SAP30BP: variants seen among roughly 807,000 people sequenced by gnomAD.
SAP30BP encodes SAP30-binding protein.
A neutral mutation model predicts 46.3 loss-of-function variants in SAP30BP; 31 were observed. That is an observed-to-expected ratio of 0.67 (90% CI 0.50 to 0.90). The LOEUF is 0.90. Among genes scored for constraint, SAP30BP ranks in the 40% least tolerant of loss-of-function variants. The pLI, the probability that SAP30BP is intolerant of heterozygous loss-of-function variation, is 0.00. For missense variants in SAP30BP, 312 were observed against 391.0 expected, an observed-to-expected ratio of 0.80 and a Z score of 1.70; for synonymous variants, 169 against 144.2, an observed-to-expected ratio of 1.17 and a Z score of -1.23.
chr17:75,673,821 C>T (rs2059942924), intron 3 of SAP30BP, among the ~76,000 whole-genome samples: 1 of 152,194 alleles, frequency 6.6e-6, no homozygotes, highest in Non-Finnish European at 1.5e-5. Context: ...TGCTCAGGCT[C>T]CCCTTCTCAG....
intron 3 of SAP30BP, among the ~76,000 whole-genome samples, chr17:75,672,693 A>G (rs777871031): frequency 7.9e-5 from 12 of 152,320 alleles, no homozygotes; most frequent in Admixed American, 2.6e-4. Context: ...GCAGTAGCTC[A>G]CGCCTGTAAT....
chr17:75,701,870 C>T (rs2060416434), intron 5 of SAP30BP, among the ~76,000 whole-genome samples: 1 of 152,158 alleles, frequency 6.6e-6, no homozygotes, highest in African/African-American at 2.4e-5. Context: ...ATTATTTTCT[C>T]TATGGCTCCT....
At chr17:75,671,345 C>T (rs2059904922) in intron 2 of SAP30BP, among the ~76,000 whole-genome samples, 1 of 152,172 alleles carries the variant, frequency 6.6e-6, no homozygotes, top group South Asian at 2.1e-4. Context: ...AGCCTTGGCA[C>T]TTGGTGTTGG....
At chr17:75,693,627 A>G (rs1229469737) in intron 4 of SAP30BP, 145 bp downstream of exon 4, 2 of 633,664 alleles carry the variant, frequency 3.2e-6, no homozygotes, top group African/African-American at 1.9e-5. Context: ...GGGCTTTGGC[A>G]TTTCCTAGGA....
chr17:75,704,180 A>C (rs2060459002), intron 8 of SAP30BP, among the ~76,000 whole-genome samples: 1 of 152,196 alleles, frequency 6.6e-6, no homozygotes, highest in South Asian at 2.1e-4. Context: ...TCACTGACAA[A>C]ACTGTGTTCA....
chr17:75,680,555 G>C (rs1315870276), intron 3 of SAP30BP, among the ~76,000 whole-genome samples: 1 of 152,170 alleles, frequency 6.6e-6, no homozygotes, highest in African/African-American at 2.4e-5. Context: ...TGTGACTGCG[G>C]CGTGAGAGAA....
chr17:75,682,078 A>T (rs900507600), intron 3 of SAP30BP, among the ~76,000 whole-genome samples: 3 of 151,940 alleles, frequency 2.0e-5, no homozygotes, highest in Admixed American at 6.6e-5. Flanking sequence ...AAAATATAAA[A>T]TGTTTTTATA....
intron 4 of SAP30BP, among the ~76,000 whole-genome samples, chr17:75,698,308 A>G (rs2060353462): frequency 6.6e-6 from 1 of 152,204 alleles, no homozygotes; most frequent in Admixed American, 6.5e-5. Flanking sequence ...TGATTGGTTT[A>G]TTTTTAAAAG....
At chr17:75,685,873 A>G (rs762482527) in intron 3 of SAP30BP, among the ~76,000 whole-genome samples, 12 of 152,194 alleles carry the variant, frequency 7.9e-5, no homozygotes, top group African/African-American at 2.9e-4. Context: ...GGGATAAGAC[A>G]AAAAGGGAAT....
rs1252500284 is a variant in SAP30BP at position 75,706,375 on chromosome 17, A to C, written c.781A>C (p.Ile261Leu). ...QKRKSKWDSAIPVTTIAQPTI... is the reference protein window; with the variant it reads ...QKRKSKWDSALPVTTIAQPTI... The stretch of plus-strand genomic sequence containing the variant: ...GAGAAAGAGCAAGTGGGATTCGGCT[A>C]TCCCAGTGACAACGATAGCCCAGCC... The change falls in exon 11 of 11, where the codon ATC (isoleucine) becomes CTC (leucine). Residue 261 changes from isoleucine (I) to leucine (L), a missense_variant. Physicochemically the swap from Ile to Leu is conservative, Grantham distance 5. Around this residue, in one of 2 missense-constraint regions of SAP30BP, gnomAD observed 296 missense variants for 346.6 expected, o/e 0.85. Coordinates refer to ENST00000584667, the MANE Select transcript of SAP30BP (RefSeq NM_013260.8). This position sits in a 1 kb window ranked among gnomAD's most constrained non-coding sequence, Gnocchi z 4.6. 2 of 1,614,006 alleles carry C rather than the reference A, an allele frequency of 1.2e-6. No homozygotes were observed. The highest frequency in any genetic ancestry group is 2.2e-5 in the East Asian group (1 of 44,872).
Position 75,693,421 on chromosome 17 carries a change from A to C in SAP30BP, c.265-19A>C. The C allele has an allele frequency of 6.2e-7, 1 of 1,612,530 alleles. No individual in the cohort carries two copies. On this transcript the variant is annotated intron_variant, in intron 3 of 10. Coordinates refer to ENST00000584667, the MANE Select transcript of SAP30BP (RefSeq NM_013260.8). ...AGGAGCCCCAGTCTTACCTCCTCGTATTTGTTTGTCTTTTGCAGGATAATA... is the reference window on the plus strand; with the variant it reads ...AGGAGCCCCAGTCTTACCTCCTCGTCTTTGTTTGTCTTTTGCAGGATAATA...
chr17:75,681,034 G>GA (rs1416664818), intron 3 of SAP30BP, among the ~76,000 whole-genome samples: 4 of 151,974 alleles, frequency 2.6e-5, no homozygotes, highest in Non-Finnish European at 5.9e-5. Flanking sequence ...GACCCTGTCT[G>GA]AAAAAAAGAA....
At position 75,706,182 on chromosome 17, in the gene SAP30BP, G is replaced by A; in HGVS notation, c.745+90G>A. The stretch of plus-strand genomic sequence containing the variant: ...GGGCGACAGACAGCACGTGGATCTG[G>A]GCCTGGGCTCAGCCTTGCTACTTTG... On this transcript the variant is annotated intron_variant, in intron 10 of 10. Transcript: ENST00000584667. The surrounding 1 kb of genome is among the most constrained non-coding windows in gnomAD (Gnocchi z 4.6). 6.4e-7 allele frequency: 1 copy of A among 1,561,898 alleles called. No individual in the cohort carries two copies. Among genetic ancestry groups the A allele is most frequent in the Non-Finnish European group, 8.6e-7 (1 of 1,156,628 alleles).
intron 3 of SAP30BP, chr17:75,691,507 C>T: frequency 2.2e-6 from 1 of 456,358 alleles, no homozygotes; most frequent in South Asian, 1.5e-5. Flanking sequence ...TGGCCTCTTA[C>T]TTTACCTAAG....
At chr17:75,703,692 C>A in intron 7 of SAP30BP, 116 bp from the exon 8 acceptor site, 1 of 916,720 alleles carries the variant, frequency 1.1e-6, no homozygotes, top group South Asian at 1.4e-5. Flanking sequence ...CCAAAGATGA[C>A]AGCCGAGCCC....
At chr17:75,694,072 G>C (rs934966964) in intron 4 of SAP30BP, among the ~76,000 whole-genome samples, 1 of 152,036 alleles carries the variant, frequency 6.6e-6, no homozygotes, top group Non-Finnish European at 1.5e-5. Context: ...AAGCCCGACC[G>C]GGGGGCAGTT....
intron 7 of SAP30BP, 39 bp downstream of exon 7, chr17:75,703,410 C>T (rs1304447743): frequency 1.9e-6 from 3 of 1,586,416 alleles, no homozygotes; most frequent in Non-Finnish European, 2.6e-6. Flanking sequence ...GATGGGGACA[C>T]CCAGGGTCCT....
chr17:75,702,602 T>C (rs1368116329), intron 6 of SAP30BP, 31 bp downstream of exon 6: 1 of 1,118,640 alleles, frequency 8.9e-7, no homozygotes, highest in Non-Finnish European at 1.4e-6. Flanking sequence ...CAGAGTTTAT[T>C]GAGTTATTAA....
intron 3 of SAP30BP, among the ~76,000 whole-genome samples, chr17:75,677,612 T>C (rs1383015808): frequency 1.3e-5 from 2 of 149,220 alleles, no homozygotes; most frequent in Non-Finnish European, 3.0e-5. Context: ...TTGTATTTTT[T>C]TTTTTTTTTT....
Sources: allele counts gnomAD v4.1 joint callset (sites outside exome capture counted in the v4.1 genomes callset), GRCh38; gene constraint gnomAD v4.1.1; regional missense constraint gnomAD v4.1.1; non-coding constraint Gnocchi (gnomAD v3.1); transcripts MANE v1.5; gene names NCBI Gene and HGNC (gene_info 2026-07-23, HGNC 2026-07-21).